Variants in TTF1 observed in about 807,000 individuals in gnomAD.
The protein encoded by TTF1 is transcription termination factor, RNA polymerase I.
In TTF1, 64 loss-of-function variants were observed where a neutral mutation model predicts 80.2. The ratio of observed to expected loss-of-function variants is 0.80; its 90% CI spans 0.65 to 0.98. TTF1 has a LOEUF of 0.98. Ranked by LOEUF, TTF1 falls within the 50% of genes least tolerant of loss-of-function variation. The pLI, the probability that TTF1 is intolerant of heterozygous loss-of-function variation, is 0.00. For missense variants in TTF1, 1,023 were observed against 1,086.2 expected (o/e 0.94, Z 0.82); for synonymous variants, 372 against 382.7 (o/e 0.97, Z 0.33).
chr9:132,382,050 A>G (rs1849378906), intron 9 of TTF1, among the ~76,000 whole-genome samples: 1 of 152,196 alleles, frequency 6.6e-6, no homozygotes, highest in South Asian at 2.1e-4. Context: ...GATGCTCGGC[A>G]ACACGTAGAG....
chr9:132,399,215 GA>G (rs55751097), intron 3 of TTF1, among the ~76,000 whole-genome samples: 99,841 of 131,030 alleles, frequency 0.76, 38,076 homozygotes, highest in Non-Finnish European at 0.84. Context: ...AAAAAAAAAA[GA>G]AAAAAAAAAA....
At chr9:132,377,833 T>C (rs1291181473) in intron 10 of TTF1, among the ~76,000 whole-genome samples, 52 of 135,696 alleles carry the variant, frequency 3.8e-4, no homozygotes, top group Admixed American at 5.9e-4. Flanking sequence ...TGTGTGTGAA[T>C]GCATGTGGTG....
intron 8 of TTF1, among the ~76,000 whole-genome samples, chr9:132,386,862 TCA>T (rs1027035015): frequency 1.3e-5 from 2 of 152,072 alleles, no homozygotes; most frequent in African/African-American, 4.8e-5. Flanking sequence ...TTTGTTTCTC[TCA>T]ACAAACCATG....
chr9:132,376,871 G>GGT (rs918550486), intron 10 of TTF1, among the ~76,000 whole-genome samples: 6 of 151,526 alleles, frequency 4.0e-5, no homozygotes, highest in South Asian at 2.1e-4. Context: ...TGTAGAGATA[G>GGT]GTGTGTGTGT....
intron 9 of TTF1, among the ~76,000 whole-genome samples, chr9:132,382,294 A>G (rs1849382891): frequency 6.6e-6 from 1 of 152,234 alleles, no homozygotes; most frequent in African/African-American, 2.4e-5. Flanking sequence ...AAGCTTAAAG[A>G]GGAACAGGAT....
intron 7 of TTF1, 126 bp downstream of exon 7, chr9:132,390,471 G>T: frequency 1.2e-6 from 1 of 821,126 alleles, no homozygotes; most frequent in Non-Finnish European, 1.9e-6. Context: ...AGCAGCTGGG[G>T]CAGCAGACTA....
intron 1 of TTF1, among the ~76,000 whole-genome samples, chr9:132,404,938 T>A (rs1384222225): frequency 3.9e-5 from 6 of 152,042 alleles, no homozygotes; most frequent in Non-Finnish European, 8.8e-5. Context: ...CAGGCTGGAG[T>A]GCAGTGGCGT....
chr9:132,392,536 TAAAG>T (rs1849578852), intron 5 of TTF1, among the ~76,000 whole-genome samples: 1 of 152,162 alleles, frequency 6.6e-6, no homozygotes, highest in Non-Finnish European at 1.5e-5. Flanking sequence ...CAGTGCCGTT[TAAAG>T]GGTGCGTTTT....
chr9:132,387,287 A>T (rs187954007), intron 8 of TTF1, among the ~76,000 whole-genome samples: 14 of 151,270 alleles, frequency 9.3e-5, no homozygotes, highest in African/African-American at 3.4e-4. Flanking sequence ...ATTTACAGTA[A>T]CCCTCCCCCC....
chr9:132,400,363 C>T (rs947112840), intron 2 of TTF1, 105 bp from the exon 3 acceptor site: 19 of 930,628 alleles, frequency 2.0e-5, no homozygotes, highest in Non-Finnish European at 3.0e-5. Context: ...CTTGCTCTGT[C>T]GCCAGGCTGG....
chr9:132,395,326 TCAC>T (rs1357987945), intron 5 of TTF1, among the ~76,000 whole-genome samples: 3 of 152,188 alleles, frequency 2.0e-5, no homozygotes, highest in Non-Finnish European at 4.4e-5. Flanking sequence ...GGGTAAATGA[TCAC>T]CACAACACAA....
At chr9:132,402,878 C>T (rs745680695) in intron 1 of TTF1, 50 bp from the exon 2 acceptor site, 25 of 1,503,604 alleles carry the variant, frequency 1.7e-5, no homozygotes, top group Middle Eastern at 2.4e-4. Context: ...TTTTTTGAGA[C>T]GGAGTCTCAC....
chr9:132,386,209 T>G (rs558067991), intron 9 of TTF1, among the ~76,000 whole-genome samples: 25 of 152,262 alleles, frequency 1.6e-4, no homozygotes, highest in Middle Eastern at 3.4e-3. Flanking sequence ...GGTATTATGC[T>G]CTAGCTAAAA....
chr9:132,397,179 A>T (rs982877950), intron 4 of TTF1, among the ~76,000 whole-genome samples: 1 of 152,224 alleles, frequency 6.6e-6, no homozygotes, highest in Non-Finnish European at 1.5e-5. Context: ...AGTAGTTTTA[A>T]GATAATGTGA....
rs1849343416 is a variant in TTF1, at chr9:132,380,134, T to C, written c.2379-990A>G. On this transcript the variant is annotated intron_variant, in intron 9 of 10. Coordinates refer to ENST00000334270, the MANE Select transcript of TTF1 (RefSeq NM_007344.4). Reference sequence around the variant, plus strand: ...ACCCAGGCTGGAGTGCAGAGGCACATTCTCAGTTCACTGCAACTTCTGCCT... The same window carrying C: ...ACCCAGGCTGGAGTGCAGAGGCACACTCTCAGTTCACTGCAACTTCTGCCT... Among the ~76,000 whole-genome samples the C allele has an allele frequency of 2.0e-5, 3 of 152,020 alleles. No individual in the cohort carries two copies. In the South Asian group the frequency reaches 6.2e-4, roughly 32 times the overall value.
chr9:132,403,949 A>AC (rs1849813787), intron 1 of TTF1, among the ~76,000 whole-genome samples: 3 of 152,242 alleles, frequency 2.0e-5, no homozygotes, highest in Non-Finnish European at 4.4e-5. Context: ...GTTAATACTC[A>AC]CATACAGGGT....
chr9:132,390,963 C>T (rs1272771617), intron 6 of TTF1, 132 bp from the exon 7 acceptor site: 1 of 769,850 alleles, frequency 1.3e-6, no homozygotes, highest in Non-Finnish European at 2.1e-6. Flanking sequence ...ATAAAACAAA[C>T]ACAATTATGT....
intron 1 of TTF1, among the ~76,000 whole-genome samples, chr9:132,403,360 A>C (rs1849803951): frequency 6.6e-6 from 1 of 152,136 alleles, no homozygotes; most frequent in East Asian, 1.9e-4. Context: ...AGTGCCTTGC[A>C]CCATAAGGCC....
chr9:132,376,305 T>G, intron 10 of TTF1, 137 bp from the exon 11 acceptor site: 10 of 950,318 alleles, frequency 1.1e-5, no homozygotes, highest in East Asian at 2.7e-5. Flanking sequence ...CCAATTGGTT[T>G]ACCCACATTC....
Sources: gnomAD v4.1 joint callset for allele counts (sites outside exome capture counted in the v4.1 genomes callset) on GRCh38, gnomAD v4.1.1 for gene constraint, MANE v1.5 for transcripts, NCBI Gene and HGNC (gene_info 2026-07-23, HGNC 2026-07-21) for gene names.